Variants in ARID1B observed in about 807,000 individuals in gnomAD.
ARID1B encodes AT-rich interaction domain 1B.
ARID1B carries 30 observed loss-of-function variants against 212.3 expected under a neutral mutation model. That is an observed-to-expected ratio of 0.14 (90% confidence interval 0.11 to 0.19). ARID1B has a LOEUF of 0.19. ARID1B is among the 10% of genes least tolerant of loss of function. The pLI, the probability that ARID1B is intolerant of heterozygous loss-of-function variation, is 1.00. For missense variants in ARID1B, 2,891 were observed against 3,204.0 expected, an observed-to-expected ratio of 0.90 and a Z score of 2.36; for synonymous variants, 1,402 against 1,301.7, an observed-to-expected ratio of 1.08 and a Z score of -1.66.
At chr6:156,928,057 C>T (rs1242663245) in intron 3 of ARID1B, among the ~76,000 whole-genome samples, 1 of 152,160 alleles carries the variant, frequency 6.6e-6, no homozygotes, top group Non-Finnish European at 1.5e-5. Flanking sequence ...GGCTGAAAGG[C>T]ACCGAGGAGC....
chr6:157,090,472 C>T (rs1562609226), intron 5 of ARID1B, among the ~76,000 whole-genome samples: 1 of 152,220 alleles, frequency 6.6e-6, no homozygotes, highest in Non-Finnish European at 1.5e-5. Context: ...CAGAAGGCCA[C>T]TGATTATAAT....
chr6:157,124,061 C>T (rs931264964), intron 6 of ARID1B, among the ~76,000 whole-genome samples: 3 of 152,210 alleles, frequency 2.0e-5, no homozygotes, highest in African/African-American at 4.8e-5. Flanking sequence ...CTAGTAGACT[C>T]GTTTTTCTTC....
chr6:157,063,490 G>C (rs2128412052), intron 4 of ARID1B, among the ~76,000 whole-genome samples: 1 of 152,198 alleles, frequency 6.6e-6, no homozygotes, highest in South Asian at 2.1e-4. Context: ...TCCTCTGTTA[G>C]ATTTTTTTTT....
intron 2 of ARID1B, among the ~76,000 whole-genome samples, chr6:156,861,931 C>T (rs1279467650): frequency 6.6e-6 from 1 of 152,106 alleles, no homozygotes; most frequent in Non-Finnish European, 1.5e-5. Context: ...ACCCAAAGGG[C>T]ATTTGTGAGT....
chr6:157,164,979 G>A (rs192956260), intron 8 of ARID1B, among the ~76,000 whole-genome samples: 15 of 152,322 alleles, frequency 9.8e-5, no homozygotes, highest in African/African-American at 3.6e-4. Flanking sequence ...AAGACACTGA[G>A]AGCAGTCCCA....
At chr6:156,802,693 C>G (rs1313172141) in intron 1 of ARID1B, among the ~76,000 whole-genome samples, 2 of 152,082 alleles carry the variant, frequency 1.3e-5, no homozygotes, top group Non-Finnish European at 2.9e-5. Context: ...ATTGAATGGC[C>G]AAAACAGATG....
In ARID1B at chr6:157,184,453, A is replaced by G. The variant is rs1583469780; in HGVS notation, c.3919+18A>G. 1 of 1,613,676 alleles carries G rather than the reference A, an allele frequency of 6.2e-7. No individual in the cohort carries two copies. Among genetic ancestry groups the G allele is most frequent in the Non-Finnish European group, 8.5e-7 (1 of 1,179,912 alleles). On this transcript the variant is annotated intron_variant, in intron 13 of 19. Transcript: ENST00000636930. ...ATCTCCTGGTAAGTGGCGGCGCTGC[A>G]GTCACTGGCCCAGGAAAGCCCAGGC...
intron 2 of ARID1B, among the ~76,000 whole-genome samples, chr6:156,881,095 A>C (rs898656228): frequency 1.2e-4 from 18 of 152,302 alleles, no homozygotes; most frequent in East Asian, 7.7e-4. Context: ...AGGAGTTTCG[A>C]GAGAGCCCTG....
chr6:157,087,032 A>G (rs1785007984), intron 5 of ARID1B, among the ~76,000 whole-genome samples: 2 of 152,222 alleles, frequency 1.3e-5, no homozygotes, highest in East Asian at 3.8e-4. Flanking sequence ...TGTCAGAAAC[A>G]CTTACCACCA....
intron 1 of ARID1B, among the ~76,000 whole-genome samples, chr6:156,789,098 C>T (rs557434216): frequency 5.3e-5 from 8 of 152,302 alleles, no homozygotes; most frequent in Admixed American, 2.0e-4. Flanking sequence ...ACTTTCCTAA[C>T]GAATGTATTA....
rs758650746 is a variant in ARID1B at position 157,206,221 on chromosome 6, A to G, written c.5449A>G (p.Ile1817Val). 4 of 1,614,178 alleles carry G rather than the reference A, an allele frequency of 2.5e-6. No individual in the cohort carries two copies. The highest frequency in any genetic ancestry group is 2.7e-5 in the African/African-American group (2 of 75,036). ...VEYFRKCLID[I>V]FGILMEYEVG... ...GTACTTTAGAAAATGCCTGATTGAC[A>G]TTTTTGGAATTCTTATGGAATATGA... The change falls in exon 20 of 20, where the codon ATT becomes GTT. Residue 1817 changes from isoleucine (I) to valine (V), a missense_variant. Transcript: ENST00000636930. This position sits in a 1 kb window ranked among gnomAD's most constrained non-coding sequence, Gnocchi z 6.8.
At chr6:156,978,826 T>C (rs548639494) in intron 4 of ARID1B, among the ~76,000 whole-genome samples, 5 of 152,356 alleles carry the variant, frequency 3.3e-5, no homozygotes, top group African/African-American at 1.2e-4. Context: ...GATATATTAC[T>C]TTTTCTAGCC....
At chr6:157,072,660 A>G (rs1308005014) in intron 4 of ARID1B, 1 of 152,238 alleles carries the variant, frequency 6.6e-6, no homozygotes, top group Non-Finnish European at 1.5e-5. Context: ...TGCTGTTACA[A>G]TGTCCAGTTT....
At chr6:157,064,443 C>T (rs770910857) in intron 4 of ARID1B, among the ~76,000 whole-genome samples, 2 of 152,106 alleles carry the variant, frequency 1.3e-5, no homozygotes, top group African/African-American at 2.4e-5. Context: ...TATGATGATA[C>T]GGAAACATTC....
intron 13 of ARID1B, chr6:157,186,003 G>A (rs1792947853): frequency 6.5e-6 from 1 of 153,346 alleles, no homozygotes; most frequent in Non-Finnish European, 1.5e-5. Flanking sequence ...CAAGCTGCCT[G>A]TGAACAGCTC....
chr6:157,209,346 T>C lies in ARID1B; in HGVS notation c.*1455T>C, dbSNP rs1263509695. On this transcript the variant is annotated 3_prime_UTR_variant, in exon 20 of 20. Coordinates refer to ENST00000636930, the MANE Select transcript of ARID1B (RefSeq NM_001374828.1). ...AAGTTATTTACAAGAAATAGGGGAA[T>C]GCAGCAGTGTATTCACATTATAAAA... 4.3e-6 allele frequency: 1 copy of C among 232,472 alleles called. No homozygotes were observed. Among genetic ancestry groups the C allele is most frequent in the Non-Finnish European group, 8.5e-6 (1 of 117,428 alleles). The allele number at this position is 232,472 out of a possible 1,614,324, so 14.4% of individuals were successfully genotyped here.
Position 157,156,103 on chromosome 6 carries a change from A to G in ARID1B, c.3089+7152A>G, listed in dbSNP as rs150641417. On this transcript the variant is annotated intron_variant, in intron 8 of 19. Coordinates refer to ENST00000636930, the MANE Select transcript of ARID1B (RefSeq NM_001374828.1). ...GAGATAGTGCATTAAAATGTCAAAG[A>G]GAAGGGGCAAAAAACTTCGAAATGT... Among the ~76,000 whole-genome samples the G allele has an allele frequency of 1.0e-3, 159 of 152,352 alleles. 1 individual carries two copies. Among genetic ancestry groups the G allele is most frequent in the African/African-American group, 3.5e-3 (146 of 41,578 alleles).
chr6:157,130,896 T>G (rs1436498018), intron 6 of ARID1B, among the ~76,000 whole-genome samples: 1 of 152,258 alleles, frequency 6.6e-6, no homozygotes, highest in Middle Eastern at 3.2e-3. Context: ...CCCTGTGTTC[T>G]GAGAGTTGTT....
chr6:156,962,947 ATT>A (rs59701150), intron 4 of ARID1B, among the ~76,000 whole-genome samples: 2 of 150,716 alleles, frequency 1.3e-5, no homozygotes, highest in African/African-American at 2.4e-5. Flanking sequence ...ACGGCCAGCT[ATT>A]TTTTTTTTAT....
Sources: allele counts gnomAD v4.1 joint callset (sites outside exome capture counted in the v4.1 genomes callset), GRCh38; gene constraint gnomAD v4.1.1; non-coding constraint Gnocchi (gnomAD v3.1); transcripts MANE v1.5; gene names NCBI Gene and HGNC (gene_info 2026-07-23, HGNC 2026-07-21).